PCGF3: variants seen among roughly 807,000 people sequenced by gnomAD.
PCGF3 encodes the protein polycomb group RING finger protein 3.
PCGF3 carries 7 observed loss-of-function variants against 33.1 expected under a neutral mutation model. The observed-to-expected ratio is 0.21, with a 90% CI of 0.12 to 0.40. PCGF3 has a LOEUF of 0.40. Ranked by LOEUF, PCGF3 falls within the 10% of genes least tolerant of loss-of-function variation. The pLI, the probability that PCGF3 is intolerant of heterozygous loss-of-function variation, is 1.00. For synonymous variants in PCGF3, 153 were observed against 121.3 expected, an observed-to-expected ratio of 1.26 and a Z score of -1.72; for missense variants, 211 against 313.3, an observed-to-expected ratio of 0.67 and a Z score of 2.46.
intron 8 of PCGF3, among the ~76,000 whole-genome samples, chr4:752,183 C>T (rs899389): frequency 5.9e-5 from 9 of 152,202 alleles, no homozygotes; most frequent in South Asian, 2.1e-4. Flanking sequence ...CTGGCGAAGC[C>T]GCCTCTTCCA....
At chr4:728,241 A>G (rs1743408559) in intron 1 of PCGF3, among the ~76,000 whole-genome samples, 1 of 152,214 alleles carries the variant, frequency 6.6e-6, no homozygotes, top group African/African-American at 2.4e-5. Flanking sequence ...AACAATAACA[A>G]ATAACAGTAC....
At chr4:731,448 T>C in intron 3 of PCGF3, 1 of 331,362 alleles carries the variant, frequency 3.0e-6, no homozygotes, top group Non-Finnish European at 5.5e-6. Context: ...TCGGCTAGCA[T>C]CCTGCAGGGA....
chr4:727,674 G>C (rs1178203802), intron 1 of PCGF3, among the ~76,000 whole-genome samples: 1 of 152,036 alleles, frequency 6.6e-6, no homozygotes, highest in Non-Finnish European at 1.5e-5. Flanking sequence ...TAGGCATTAA[G>C]CCCACGTTGT....
At chr4:760,055 C>A (rs941215368) in intron 8 of PCGF3, among the ~76,000 whole-genome samples, 16 of 152,214 alleles carry the variant, frequency 1.1e-4, no homozygotes, top group Admixed American at 1.0e-3. Context: ...CATCCCACCC[C>A]GGAGCAAGGA....
At chr4:707,952 C>T (rs56294884) in intron 1 of PCGF3, among the ~76,000 whole-genome samples, 9 of 97,124 alleles carry the variant, frequency 9.3e-5, no homozygotes, top group East Asian at 3.3e-4. Flanking sequence ...CCCCTGGGGG[C>T]CGGGACCCTG....
chr4:732,349 C>CCCCCCCCCTCCCTTCT (rs1553844986), intron 3 of PCGF3: 3 of 128,038 alleles, frequency 2.3e-5, no homozygotes, highest in East Asian at 5.8e-4. Context: ...CCCCTCCCTT[C>CCCCCCCCCTCCCTTCT]CCTTCCCCTC....
At chr4:758,627 G>A (rs866220976) in intron 8 of PCGF3, among the ~76,000 whole-genome samples, 2 of 108,804 alleles carry the variant, frequency 1.8e-5, no homozygotes, top group Non-Finnish European at 3.7e-5. Flanking sequence ...CTTTCTCCCC[G>A]CGCGGCCCCT....
At chr4:726,301 T>A (rs566338428) in intron 1 of PCGF3, among the ~76,000 whole-genome samples, 411 of 152,338 alleles carry the variant, frequency 2.7e-3, no homozygotes, top group Non-Finnish European at 3.2e-3. Flanking sequence ...GCAAACCCTG[T>A]GAGGGAGCAG....
intron 1 of PCGF3, among the ~76,000 whole-genome samples, chr4:729,062 T>C (rs1350943724): frequency 8.1e-6 from 1 of 124,192 alleles, no homozygotes; most frequent in Non-Finnish European, 1.6e-5. Flanking sequence ...ATTGCACCAC[T>C]GCACTCCGGC....
exon 11 of PCGF3, chr4:768,983 T>C (rs895368171): frequency 5.9e-5 from 9 of 152,700 alleles, no homozygotes; most frequent in Non-Finnish European, 4.4e-5. Flanking sequence ...TAGATGGAAT[T>C]CCAAAATATG....
rs188612155 is a variant in PCGF3, at chr4:761,589, G to A, written c.600+173G>A. ...GAGCGGGATAGGAGACAGCCCTAAG[G>A]GTTGTAGGATGCCCAGAGACAGGGA... On this transcript the variant is annotated intron_variant, in intron 9 of 10. Coordinates refer to ENST00000362003, the Ensembl canonical transcript of PCGF3. 2.9e-5 allele frequency: 27 copies of A among 927,182 alleles called. No homozygotes were observed. In the East Asian group the frequency reaches 2.9e-3, roughly 100 times the overall value. 57.4% of individuals were successfully genotyped at this position (927,182 alleles called of 1,614,324 possible).
intron 10 of PCGF3, among the ~76,000 whole-genome samples, chr4:765,634 G>A (rs934485814): frequency 6.6e-6 from 1 of 152,182 alleles, no homozygotes; most frequent in Non-Finnish European, 1.5e-5. Context: ...TCTGAAGCAG[G>A]AAACCAATGG....
rs374911681 is a variant in PCGF3, at chr4:737,437, C to A, written c.207-29C>A. 5.0e-4 allele frequency: 749 copies of A among 1,501,284 alleles called. 4 individuals carry two copies. The African/African-American group carries it at 9.5e-3, about 19-fold the overall frequency. 93.0% of individuals were successfully genotyped at this position (1,501,284 alleles called of 1,614,324 possible). A position where few individuals can be genotyped will look rare whatever the true frequency, so the allele number is the denominator to read the frequency against. On this transcript the variant is annotated intron_variant, in intron 5 of 10. Coordinates refer to ENST00000362003, the Ensembl canonical transcript of PCGF3. ...AGAATTATAGAATTAACATTTCCAG[C>A]TAACTCCACCTTTCTGTTCTTTTGC... is the stretch of plus-strand genomic sequence containing the variant.
At chr4:734,413 T>C (rs1410851254) in intron 4 of PCGF3, 2 of 1,352,246 alleles carry the variant, frequency 1.5e-6, no homozygotes, top group African/African-American at 1.5e-5. Flanking sequence ...AAGTGTACGC[T>C]TATAATACAA....
chr4:716,464 G>T (rs1244775584), intron 1 of PCGF3, among the ~76,000 whole-genome samples: 1 of 137,630 alleles, frequency 7.3e-6, no homozygotes, highest in Non-Finnish European at 1.6e-5. Context: ...TGGACACTGC[G>T]AGTGTGAGAA....
chr4:722,187 T>C (rs1743108318), intron 1 of PCGF3: 2 of 156,926 alleles, frequency 1.3e-5, no homozygotes, highest in East Asian at 1.9e-4. Flanking sequence ...TGCCTCTTAG[T>C]GTTCAGGATG....
chr4:718,916 A>G (rs909460702), intron 1 of PCGF3, among the ~76,000 whole-genome samples: 34 of 152,080 alleles, frequency 2.2e-4, no homozygotes, highest in African/African-American at 7.5e-4. Context: ...AAGCGCTGTC[A>G]TGTTGTAGCA....
chr4:744,549 G>A (rs191725816), intron 7 of PCGF3, 51 bp from the exon 8 acceptor site: 4 of 1,375,066 alleles, frequency 2.9e-6, no homozygotes, highest in Admixed American at 2.0e-5. Context: ...TTTTTTAAAT[G>A]GCTTGACAGT....
intron 5 of PCGF3, 131 bp downstream of exon 5, chr4:735,158 C>T (rs1743773367): frequency 5.0e-6 from 5 of 1,005,488 alleles, no homozygotes; most frequent in Non-Finnish European, 5.8e-6. Context: ...TGACCAAGGG[C>T]ACCCCAGGAG....
Sources: allele counts gnomAD v4.1 joint callset (sites outside exome capture counted in the v4.1 genomes callset), GRCh38; gene constraint gnomAD v4.1.1; transcripts MANE v1.5; gene names NCBI Gene and HGNC (gene_info 2026-07-23, HGNC 2026-07-21).